Variants in UNC80 observed in about 807,000 individuals in gnomAD.
UNC80 encodes the protein protein unc-80 homolog.
UNC80 carries 164 observed loss-of-function variants against 384.6 expected under a neutral mutation model. That is an observed-to-expected ratio of 0.43 (90% CI 0.38 to 0.49). The LOEUF (loss-of-function observed/expected upper bound fraction) is 0.49. UNC80 is among the 20% of genes least tolerant of loss of function. UNC80 has a pLI of 0.00. For missense variants in UNC80, 3,330 were observed against 4,143.0 expected, an observed-to-expected ratio of 0.80 and a Z score of 5.39; for synonymous variants, 1,486 against 1,527.8, an observed-to-expected ratio of 0.97 and a Z score of 0.64.
At position 209,771,949 on chromosome 2, in the gene UNC80, A is replaced by T; in HGVS notation, c.-124A>T. The T allele has an allele frequency of 1.4e-6, 1 of 704,452 alleles. No homozygotes were observed. Among genetic ancestry groups the T allele is most frequent in the Non-Finnish European group, 2.6e-6 (1 of 390,444 alleles). The allele number at this position is 704,452 out of a possible 1,614,324, so 43.6% of individuals were successfully genotyped here. On this transcript the variant is annotated 5_prime_UTR_variant, in exon 1 of 65. It introduces an in-frame stop codon into an upstream open reading frame of the 5' UTR. Transcript: ENST00000673920. ...GGAGAGGCACGGGGGATCAGGGCGG[A>T]GAGAGCCGGCTCTGCCTCGGGGAAG... is the stretch of plus-strand genomic sequence containing the variant.
intron 44 of UNC80, among the ~76,000 whole-genome samples, chr2:209,942,738 T>G (rs1386253507): frequency 6.6e-6 from 1 of 152,036 alleles, no homozygotes; most frequent in Non-Finnish European, 1.5e-5. Context: ...CCAAAAGCGA[T>G]TATGTTCATT....
At chr2:209,779,324 T>G (rs895998389) in intron 4 of UNC80, among the ~76,000 whole-genome samples, 1 of 152,112 alleles carries the variant, frequency 6.6e-6, no homozygotes, top group African/African-American at 2.4e-5. Flanking sequence ...TTCAGATCCT[T>G]ACACTGTTTT....
intron 47 of UNC80, among the ~76,000 whole-genome samples, chr2:209,950,629 G>T (rs1296596678): frequency 6.6e-6 from 1 of 151,020 alleles, no homozygotes; most frequent in African/African-American, 2.4e-5. Context: ...CACAATCTCG[G>T]CTCACAGCGA....
At chr2:209,892,099 A>G (rs2086393451) in intron 26 of UNC80, among the ~76,000 whole-genome samples, 1 of 152,190 alleles carries the variant, frequency 6.6e-6, no homozygotes, top group South Asian at 2.1e-4. Flanking sequence ...AGGTTTTACC[A>G]GAAATGTGAT....
At chr2:209,876,385 AT>A (rs2084786384) in intron 23 of UNC80, among the ~76,000 whole-genome samples, 1 of 152,214 alleles carries the variant, frequency 6.6e-6, no homozygotes, top group South Asian at 2.1e-4. Flanking sequence ...CTTAATAAAT[AT>A]TTGATGAATG....
intron 22 of UNC80, among the ~76,000 whole-genome samples, chr2:209,871,008 T>G (rs1035243375): frequency 1.3e-5 from 2 of 152,158 alleles, no homozygotes; most frequent in Non-Finnish European, 2.9e-5. Context: ...CATAAAGCAC[T>G]TGAGATGGGC....
chr2:209,817,986 C>T, intron 11 of UNC80, 34 bp downstream of exon 11: 1 of 1,548,954 alleles, frequency 6.5e-7, no homozygotes. Flanking sequence ...GGCAGGAGTT[C>T]AGAGTTCTTT....
chr2:209,786,469 T>G (rs1393809618), intron 5 of UNC80, among the ~76,000 whole-genome samples: 1 of 152,176 alleles, frequency 6.6e-6, no homozygotes, highest in African/African-American at 2.4e-5. Flanking sequence ...AAGATTGTTA[T>G]GAGGAATGGA....
intron 61 of UNC80, among the ~76,000 whole-genome samples, chr2:209,986,981 G>T (rs1405323952): frequency 6.6e-6 from 1 of 152,088 alleles, no homozygotes; most frequent in Admixed American, 6.6e-5. Flanking sequence ...AAGTAGTAAG[G>T]CATTAACCAG....
rs1244380663 is a variant in UNC80 at position 209,910,804 on chromosome 2, A to G, written c.4783-1756A>G. Among the ~76,000 whole-genome samples the G allele has an allele frequency of 2.6e-5, 4 of 152,268 alleles. No individual in the cohort carries two copies. In the East Asian group the frequency reaches 5.8e-4, roughly 22 times the overall value. Reference sequence around the variant, plus strand: ...AGTGGTAAAATATTTGCAAAATTTAAGAATCATATTTTCAAATAATTGTAA... The same window carrying G: ...AGTGGTAAAATATTTGCAAAATTTAGGAATCATATTTTCAAATAATTGTAA... On this transcript the variant is annotated intron_variant, in intron 29 of 64. Transcript: ENST00000673920.
chr2:209,777,113 G>T (rs1241607226), intron 3 of UNC80, 145 bp from the exon 4 acceptor site: 2 of 899,662 alleles, frequency 2.2e-6, no homozygotes, highest in East Asian at 5.1e-5. Context: ...CAGTAGGGAA[G>T]TCCAAAAAGC....
Position 209,839,364 on chromosome 2 carries a change from T to A in UNC80, c.3184T>A (p.Ser1062Thr), listed in dbSNP as rs1352982345. The A allele has an allele frequency of 6.4e-7, 1 of 1,551,956 alleles. No individual in the cohort carries two copies. Among genetic ancestry groups the A allele is most frequent in the African/African-American group, 1.4e-5 (1 of 73,132 alleles). Residue 1062 changes from serine to threonine, a missense_variant, in exon 19 of 65, where the codon TCT becomes ACT. Coordinates refer to ENST00000673920, the MANE Select transcript of UNC80 (RefSeq NM_001371986.1). The surrounding 1 kb of genome is among the most constrained non-coding windows in gnomAD (Gnocchi z 4.1). Reference protein sequence around the residue: ...ECTTAHSGTTSDRRARSRSRR... With the variant: ...ECTTAHSGTTTDRRARSRSRR... The stretch of plus-strand genomic sequence containing the variant: ...CACGACTGCCCACTCAGGGACCACC[T>A]CTGACCGACGTGCCCGCTCACGATC...
At chr2:209,773,893 C>T (rs897966659) in intron 2 of UNC80, among the ~76,000 whole-genome samples, 1 of 152,112 alleles carries the variant, frequency 6.6e-6, no homozygotes. Flanking sequence ...ATGCATTTGT[C>T]CTGAGATTCT....
chr2:209,965,542 T>G (rs2092717936), intron 51 of UNC80, among the ~76,000 whole-genome samples: 1 of 151,320 alleles, frequency 6.6e-6, no homozygotes, highest in African/African-American at 2.4e-5. Context: ...CTCCTCAGCC[T>G]CCCGAGTAGT....
intron 47 of UNC80, chr2:209,951,407 C>T (rs2092180120): frequency 6.6e-6 from 1 of 151,938 alleles, no homozygotes; most frequent in South Asian, 2.1e-4. Context: ...AAGCAGTTCT[C>T]CTCCCTCAGC....
chr2:209,988,361 TG>T (rs2125028779), intron 61 of UNC80, among the ~76,000 whole-genome samples: 1 of 152,334 alleles, frequency 6.6e-6, no homozygotes, highest in East Asian at 1.9e-4. Flanking sequence ...TCTCACCTAG[TG>T]CTTCTACTTA....
intron 36 of UNC80, among the ~76,000 whole-genome samples, chr2:209,927,550 C>T (rs1427330524): frequency 2.0e-5 from 3 of 152,176 alleles, no homozygotes; most frequent in Non-Finnish European, 4.4e-5. Flanking sequence ...GCCAGTAACA[C>T]CTGGAGACAA....
intron 22 of UNC80, among the ~76,000 whole-genome samples, chr2:209,856,659 G>C (rs1389412103): frequency 6.6e-6 from 1 of 151,908 alleles, no homozygotes; most frequent in East Asian, 1.9e-4. Context: ...ACAATATATT[G>C]ACTAGTTAAT....
At chr2:209,978,407 A>G (rs1290468982) in intron 58 of UNC80, 122 bp from the exon 59 acceptor site, 2 of 797,346 alleles carry the variant, frequency 2.5e-6, no homozygotes, top group East Asian at 3.0e-5. Context: ...TATAAAGATC[A>G]TTTGTCTGGG....
Sources: gnomAD v4.1 joint callset for allele counts (sites outside exome capture counted in the v4.1 genomes callset) on GRCh38, gnomAD v4.1.1 for gene constraint, Gnocchi (gnomAD v3.1) non-coding constraint, MANE v1.5 for transcripts, NCBI Gene and HGNC (gene_info 2026-07-23, HGNC 2026-07-21) for gene names.